MAPKAP1: variants seen among roughly 807,000 people sequenced by gnomAD.
MAPKAP1 encodes target of rapamycin complex 2 subunit MAPKAP1.
In MAPKAP1, 20 loss-of-function variants were observed where a neutral mutation model predicts 65.7. The observed-to-expected ratio is 0.30, with a 90% CI of 0.21 to 0.44. The LOEUF (loss-of-function observed/expected upper bound fraction) is 0.44, where lower values mean the gene tolerates loss of function less well. Ranked by LOEUF, MAPKAP1 falls within the 20% of genes least tolerant of loss-of-function variation. MAPKAP1 has a pLI of 1.00. For missense variants in MAPKAP1, 423 were observed against 648.0 expected (o/e 0.65, Z 3.77); for synonymous variants, 222 against 244.3 (o/e 0.91, Z 0.85).
At chr9:125,570,913 G>A (rs1831209902) in intron 5 of MAPKAP1, among the ~76,000 whole-genome samples, 1 of 150,582 alleles carries the variant, frequency 6.6e-6, no homozygotes, top group Admixed American at 6.6e-5. Context: ...GCACTCATCT[G>A]CTCTTTCATA....
chr9:125,660,488 T>C (rs1272824589), intron 3 of MAPKAP1, among the ~76,000 whole-genome samples: 1 of 152,200 alleles, frequency 6.6e-6, no homozygotes, highest in Non-Finnish European at 1.5e-5. Flanking sequence ...TACATGCTAG[T>C]ACCTCTCAAT....
At chr9:125,480,972 G>A (rs1001160287) in intron 9 of MAPKAP1, among the ~76,000 whole-genome samples, 8 of 113,510 alleles carry the variant, frequency 7.0e-5, no homozygotes, top group East Asian at 2.6e-4. Context: ...ACTCCGTTTC[G>A]GGGAAAAAAA....
intron 1 of MAPKAP1, among the ~76,000 whole-genome samples, chr9:125,681,802 GCT>G (rs1441647463): frequency 1.3e-5 from 2 of 152,152 alleles, no homozygotes; most frequent in Non-Finnish European, 2.9e-5. Context: ...ATAGCGTCTC[GCT>G]CTGTCACCCA....
intron 7 of MAPKAP1, chr9:125,521,592 T>G: frequency 2.0e-6 from 3 of 1,469,992 alleles, no homozygotes; most frequent in Non-Finnish European, 2.7e-6. Flanking sequence ...TAAATCACAC[T>G]GCAGAGGAAT....
intron 6 of MAPKAP1, among the ~76,000 whole-genome samples, chr9:125,558,918 A>T (rs550605920): frequency 6.6e-6 from 1 of 152,386 alleles, no homozygotes; most frequent in Non-Finnish European, 1.5e-5. Flanking sequence ...CAGAAGTCAT[A>T]GCTAACACTA....
chr9:125,693,668 T>TAC (rs1564620117), intron 1 of MAPKAP1, among the ~76,000 whole-genome samples: 1,522 of 129,442 alleles, frequency 0.012, 146 homozygotes, highest in African/African-American at 0.04. Flanking sequence ...TACACACACA[T>TAC]ATACACGTAT....
intron 5 of MAPKAP1, among the ~76,000 whole-genome samples, chr9:125,571,486 A>T (rs1831229633): frequency 6.6e-6 from 1 of 152,264 alleles, no homozygotes; most frequent in Non-Finnish European, 1.5e-5. Flanking sequence ...ATGTTCATGA[A>T]TATCTAATAG....
rs1319745672 is a variant in MAPKAP1, at chr9:125,693,834, TATATACACAC to T, written c.-70+13127_-70+13136del. ...ACACACATATACACACACACACATA[TATATACACAC>T]ATACACACACACACACACACACACA... On this transcript the variant is annotated intron_variant, in intron 1 of 11. Coordinates refer to ENST00000265960, the MANE Select transcript of MAPKAP1 (RefSeq NM_001006617.3). Among the ~76,000 whole-genome samples the T allele has an allele frequency of 1.6e-4, 14 of 87,832 alleles. 1 individual carries two copies. The highest frequency in any genetic ancestry group is 2.8e-4 in the East Asian group (1 of 3,594). 57.6% of individuals were successfully genotyped at this position (87,832 alleles called of 152,430 possible).
intron 6 of MAPKAP1, 23 bp from the exon 7 acceptor site, chr9:125,543,191 A>C: frequency 6.8e-7 from 1 of 1,477,030 alleles, no homozygotes; most frequent in Non-Finnish European, 9.5e-7. Flanking sequence ...ACAAATATTA[A>C]ATCATCACCA....
At chr9:125,680,534 G>T (rs1296499031) in intron 1 of MAPKAP1, among the ~76,000 whole-genome samples, 1 of 152,192 alleles carries the variant, frequency 6.6e-6, no homozygotes. Context: ...TCTTCTCCAT[G>T]TGAATATGCC....
intron 4 of MAPKAP1, among the ~76,000 whole-genome samples, chr9:125,590,008 C>A (rs1471149643): frequency 6.6e-6 from 1 of 152,192 alleles, no homozygotes; most frequent in Admixed American, 6.5e-5. Context: ...CAGTGGGAAT[C>A]TTTCTGGAGT....
intron 4 of MAPKAP1, among the ~76,000 whole-genome samples, chr9:125,642,957 C>T (rs1335554816): frequency 7.0e-6 from 1 of 143,168 alleles, no homozygotes; most frequent in African/African-American, 2.6e-5. Context: ...TGGAGTGCAG[C>T]AGTGCAATCT....
At chr9:125,706,817 G>A (rs1835777786) in intron 1 of MAPKAP1, among the ~76,000 whole-genome samples, 154 bp downstream of exon 1, 2 of 152,098 alleles carry the variant, frequency 1.3e-5, no homozygotes, top group African/African-American at 4.8e-5. Flanking sequence ...TTCTGGAAAT[G>A]GCCAGGAAAC....
At chr9:125,626,262 C>T (rs952356394) in intron 4 of MAPKAP1, among the ~76,000 whole-genome samples, 1 of 152,246 alleles carries the variant, frequency 6.6e-6, no homozygotes, top group Non-Finnish European at 1.5e-5. Context: ...GTTCCAGGCT[C>T]TCTCAAAAGT....
At chr9:125,534,841 G>T (rs1425563622) in intron 7 of MAPKAP1, among the ~76,000 whole-genome samples, 1 of 152,092 alleles carries the variant, frequency 6.6e-6, no homozygotes, top group East Asian at 1.9e-4. Context: ...AGCTTGGGAT[G>T]GTCTTCCCTG....
intron 4 of MAPKAP1, among the ~76,000 whole-genome samples, chr9:125,625,006 C>G (rs1833055813): frequency 1.3e-5 from 1 of 77,184 alleles, no homozygotes; most frequent in African/African-American, 4.5e-5. Flanking sequence ...AAGGGCGGTG[C>G]AAGATGTGCT....
intron 4 of MAPKAP1, among the ~76,000 whole-genome samples, chr9:125,649,985 G>C (rs769537881): frequency 1.3e-5 from 2 of 151,978 alleles, no homozygotes; most frequent in African/African-American, 4.8e-5. Flanking sequence ...CCTAACTCAG[G>C]GATGGTTTCA....
chr9:125,491,706 A>G (rs553776779), intron 8 of MAPKAP1, among the ~76,000 whole-genome samples: 1 of 152,034 alleles, frequency 6.6e-6, no homozygotes, highest in Non-Finnish European at 1.5e-5. Context: ...GCTTGAGCCT[A>G]GGAGGTGGAG....
intron 4 of MAPKAP1, among the ~76,000 whole-genome samples, chr9:125,590,887 C>T (rs1182713593): frequency 6.6e-6 from 1 of 152,032 alleles, no homozygotes; most frequent in East Asian, 1.9e-4. Context: ...AATTCTTGGG[C>T]CTCAGCCACC....
Sources: allele counts gnomAD v4.1 joint callset (sites outside exome capture counted in the v4.1 genomes callset), GRCh38; gene constraint gnomAD v4.1.1; transcripts MANE v1.5; gene names NCBI Gene and HGNC (gene_info 2026-07-23, HGNC 2026-07-21).